The following FUS variants were observed in gnomAD, a reference collection of about 807,000 sequenced individuals.
The protein encoded by FUS is FUS RNA binding protein.
Under a neutral mutation model 82.7 loss-of-function variants are expected in FUS, and 5 were observed. That is an observed-to-expected ratio of 0.06 (90% CI 0.03 to 0.13). The LOEUF (loss-of-function observed/expected upper bound fraction) is 0.13. Among genes scored for constraint, FUS ranks in the 10% least tolerant of loss-of-function variants. The probability of loss-of-function intolerance (pLI) is 1.00; values close to 1 mark genes in which losing one functional copy is unlikely to be tolerated. For missense variants in FUS, 512 were observed against 707.8 expected (o/e 0.72, Z 3.14); for synonymous variants, 281 against 247.4 (o/e 1.14, Z -1.27).
downstream of FUS, chr16:31,192,490 C>T (rs147581197): frequency 9.7e-6 from 5 of 516,322 alleles, no homozygotes; most frequent in Middle Eastern, 5.4e-4. Context: ...GTTTGTAAGA[C>T]AGCTGCCATC....
intron 10 of FUS, 116 bp from the exon 11 acceptor site, chr16:31,189,924 A>G: frequency 6.4e-7 from 1 of 1,574,460 alleles, no homozygotes; most frequent in Non-Finnish European, 8.7e-7. Context: ...AGGTAGTCTC[A>G]TTTTTGCTTA....
Position 31,182,680 on chromosome 16 carries a change from C to A in FUS, c.190+16C>A, listed in dbSNP as rs747433529. 3.2e-5 allele frequency: 52 copies of A among 1,613,960 alleles called. No individual in the cohort carries two copies. Among genetic ancestry groups the A allele is most frequent in the Non-Finnish European group, 4.4e-5 (52 of 1,179,970 alleles). On this transcript the variant is annotated intron_variant, in intron 3 of 14. Transcript: ENST00000254108. The stretch of plus-strand genomic sequence containing the variant: ...AGCCAGAACAGTGAGTCTTTCTCAG[C>A]GGGTCACCTCTTCCTACTCTTTCTG...
rs535930927 is a variant in FUS, at chr16:31,183,904, C to T, written c.237C>T (p.Gly79=). 87 of 1,614,116 alleles carry T rather than the reference C, an allele frequency of 5.4e-5. 2 individuals carry two copies. The South Asian group carries it at 7.2e-4, about 13-fold the overall frequency. ...QSTPQGYGST[G]GYGSSQSSQS... is the part of the protein sequence containing the mutation. ...CTCCCCAGGGATATGGCTCGACTGGCGGCTATGGCAGTAGCCAGAGCTCCC... is the reference window on the plus strand; with the variant it reads ...CTCCCCAGGGATATGGCTCGACTGGTGGCTATGGCAGTAGCCAGAGCTCCC... Residue 79 remains glycine, a synonymous_variant, in exon 4 of 15, where the codon GGC becomes GGT. Transcript: ENST00000254108.
intron 1 of FUS, among the ~76,000 whole-genome samples, chr16:31,181,900 T>C (rs1182625683): frequency 3.9e-5 from 6 of 152,224 alleles, no homozygotes; most frequent in Admixed American, 3.3e-4. Context: ...TTTCTTCACT[T>C]TTTCTTTATT....
At chr16:31,183,124 A>G (rs1331825102) in intron 3 of FUS, 2 of 235,366 alleles carry the variant, frequency 8.5e-6, no homozygotes, top group South Asian at 5.6e-5. Flanking sequence ...TTTACAGGGC[A>G]TTGTGGCACA....
intron 13 of FUS, 34 bp from the exon 14 acceptor site, chr16:31,190,929 G>T (rs1402301200): frequency 1.9e-6 from 3 of 1,611,900 alleles, no homozygotes; most frequent in Non-Finnish European, 2.5e-6. Flanking sequence ...ATAGGGGAAT[G>T]GGAATATGAT....
chr16:31,184,438 C>CT lies in FUS; in HGVS notation c.523+59dup, dbSNP rs370126678. ...TTTGTCTGCAGCCCATTTTCTTTTTCTTTTTTTTTTTTTTTTTGAGACGGA... is the reference window on the plus strand; with the variant it reads ...TTTGTCTGCAGCCCATTTTCTTTTTCTTTTTTTTTTTTTTTTTTGAGACGGA... On this transcript the variant is annotated intron_variant, in intron 5 of 14. Transcript: ENST00000254108. 141,098 of 1,164,660 alleles carry CT rather than the reference C, an allele frequency of 0.12. 372 individuals carry two copies. Among genetic ancestry groups the CT allele is most frequent in the African/African-American group, 0.15 (8,779 of 57,560 alleles). The allele number at this position is 1,164,660 out of a possible 1,614,324, so 72.1% of individuals were successfully genotyped here. A position where few individuals can be genotyped will look rare whatever the true frequency, so the allele number is the denominator to read the frequency against.
chr16:31,190,486 A>C, intron 12 of FUS, 88 bp downstream of exon 12: 10 of 1,589,902 alleles, frequency 6.3e-6, no homozygotes, highest in Non-Finnish European at 8.6e-6. Context: ...TTTTCCAAAG[A>C]AGTAAATGTC....
At chr16:31,194,689 A>G (rs2079401308), downstream of FUS, 2 of 487,122 alleles carry the variant, frequency 4.1e-6, no homozygotes, top group Non-Finnish European at 8.1e-6. Context: ...GTGGAATCAA[A>G]TCAGGCTAAT....
At chr16:31,190,703 C>A (rs1226320397) in intron 12 of FUS, 39 bp from the exon 13 acceptor site, 3 of 1,564,596 alleles carry the variant, frequency 1.9e-6, no homozygotes, top group Non-Finnish European at 2.6e-6. Context: ...CTTGCCTATT[C>A]CCCATCGCTC....
Position 31,189,130 on chromosome 16 carries a change from T to G in FUS, c.840T>G (p.Asp280Glu), listed in dbSNP as rs770024639. ...DQGSRHDSEQDNSDNNTIFVQ... is the reference protein window; with the variant it reads ...DQGSRHDSEQENSDNNTIFVQ... ...TCTCTGTTCAACAAGCAGAACAGGATAATTCAGACAACAACACCATCTTTG... is the reference window on the plus strand; with the variant it reads ...TCTCTGTTCAACAAGCAGAACAGGAGAATTCAGACAACAACACCATCTTTG... Residue 280 changes from aspartate (D) to glutamate (E), a missense_variant, in exon 9 of 15, where the codon GAT becomes GAG. Physicochemically the swap from Asp to Glu is conservative, Grantham distance 45. Around this residue, in one of 6 missense-constraint regions of FUS, gnomAD observed 51 missense variants for 72.2 expected, o/e 0.71. Coordinates refer to ENST00000254108, the MANE Select transcript of FUS (RefSeq NM_004960.4). 5 of 1,612,674 alleles carry G rather than the reference T, an allele frequency of 3.1e-6. No individual in the cohort carries two copies. Among genetic ancestry groups the G allele is most frequent in the Non-Finnish European group, 8.5e-7 (1 of 1,178,776 alleles).
At chr16:31,188,088 G>C in intron 7 of FUS, 1 of 583,792 alleles carries the variant, frequency 1.7e-6, no homozygotes, top group East Asian at 2.8e-5. Flanking sequence ...GCTGAAGTGT[G>C]GAGTTGTCTC....
intron 3 of FUS, chr16:31,183,358 T>C (rs142275285): frequency 6.0e-6 from 1 of 166,040 alleles, no homozygotes; most frequent in African/African-American, 2.4e-5. Flanking sequence ...TTTAATTTTT[T>C]TGACTCTTCT....
downstream of FUS, chr16:31,193,230 C>G (rs1430104064): frequency 8.0e-6 from 4 of 499,540 alleles, no homozygotes; most frequent in African/African-American, 1.9e-5. Context: ...AGAGGAATAG[C>G]AGGTTTACTT....
At chr16:31,183,821 G>A (rs2079217209) in intron 3 of FUS, 37 bp from the exon 4 acceptor site, 1 of 1,613,748 alleles carries the variant, frequency 6.2e-7, no homozygotes, top group Non-Finnish European at 8.5e-7. Flanking sequence ...TCTCTTTCCT[G>A]GTGGCTTTTG....
intron 8 of FUS, 134 bp from the exon 9 acceptor site, chr16:31,188,989 T>A (rs1014704582): frequency 2.7e-6 from 2 of 732,880 alleles, no homozygotes; most frequent in Non-Finnish European, 5.0e-6. Flanking sequence ...TCAAAAGGGA[T>A]GTGGATTTCT....
In FUS at chr16:31,189,897, AC is replaced by A. The variant is rs1038353976; in HGVS notation, c.1066+104del. 41 of 1,598,324 alleles carry A rather than the reference AC, an allele frequency of 2.6e-5. No individual in the cohort carries two copies. The African/African-American group carries it at 5.1e-4, about 20-fold the overall frequency. On this transcript the variant is annotated intron_variant, in intron 10 of 14. Transcript: ENST00000254108. Reference sequence around the variant, plus strand: ...GGTTCTTTTGAGTCTTCCAACACTTACTTTAGCTGCGGTTTCAGGTAGTCTC... The same window carrying A: ...GGTTCTTTTGAGTCTTCCAACACTTATTTAGCTGCGGTTTCAGGTAGTCTC...
downstream of FUS, chr16:31,192,941 G>C (rs1429786704): frequency 1.2e-5 from 6 of 485,646 alleles, no homozygotes; most frequent in Admixed American, 9.2e-5. Context: ...CTTGAATCTT[G>C]GGTGATTTGA....
rs1459862615 is a variant in FUS, at chr16:31,185,571, A to T, written c.764+392A>T. 3 of 535,594 alleles carry T rather than the reference A, an allele frequency of 5.6e-6. No homozygotes were observed. In the East Asian group the frequency reaches 1.2e-4, roughly 22 times the overall value. The allele number at this position is 535,594 out of a possible 1,614,324, so 33.2% of individuals were successfully genotyped here. On this transcript the variant is annotated intron_variant, in intron 6 of 14. Coordinates refer to ENST00000254108, the MANE Select transcript of FUS (RefSeq NM_004960.4). ...AGGGAAACTTGGTATGTGTATTCCC[A>T]TGTGTCCTCTAGGGAGTTGGTAATG...
Sources: gnomAD v4.1 joint callset for allele counts (sites outside exome capture counted in the v4.1 genomes callset) on GRCh38, gnomAD v4.1.1 for gene constraint, gnomAD v4.1.1 regional missense constraint, MANE v1.5 for transcripts, NCBI Gene and HGNC (gene_info 2026-07-23, HGNC 2026-07-21) for gene names.